The following ANKRD31 variants were observed in gnomAD, a reference collection of about 807,000 sequenced individuals.
ANKRD31 encodes the protein ankyrin repeat domain-containing protein 31.
In ANKRD31, 147 loss-of-function variants were observed where a neutral mutation model predicts 186.0. That is an observed-to-expected ratio of 0.79 (90% CI 0.69 to 0.91). ANKRD31 has a LOEUF of 0.91. Ranked by LOEUF, ANKRD31 falls within the 40% of genes least tolerant of loss-of-function variation. The pLI, the probability that ANKRD31 is intolerant of heterozygous loss-of-function variation, is 0.00. For synonymous variants in ANKRD31, 673 were observed against 736.4 expected (o/e 0.91, Z 1.39); for missense variants, 1,986 against 2,148.8 (o/e 0.92, Z 1.50).
At position 75,144,039 on chromosome 5, in the gene ANKRD31, C is replaced by T. The variant is rs1438859554; in HGVS notation, c.3557G>A (p.Arg1186Lys). 2.5e-6 allele frequency: 1 copy of T among 397,262 alleles called. No homozygotes were observed. Among genetic ancestry groups the T allele is most frequent in the Non-Finnish European group, 4.4e-6 (1 of 225,296 alleles). The allele number at this position is 397,262 out of a possible 1,614,324, so 24.6% of individuals were successfully genotyped here. The change falls in exon 15 of 26, where the codon AGA becomes AAA. Residue 1186 changes from arginine to lysine, a missense_variant. Transcript: ENST00000506364. ...SQEHKTVQNF[R>K]KRQSFLKTTC... is the part of the protein sequence containing the mutation. ...AGTTTTTAAGAAACTTTGTCTTTTT[C>T]TGAAATTCTGAACTGTTTTGTGTTC... is the stretch of plus-strand genomic sequence containing the variant.
intron 17 of ANKRD31, among the ~76,000 whole-genome samples, chr5:75,132,985 C>T (rs1437158218): frequency 2.0e-5 from 3 of 152,184 alleles, no homozygotes; most frequent in African/African-American, 7.2e-5. Context: ...CACCATCAGG[C>T]CTGCCTTACA....
At position 75,105,053 on chromosome 5, in the gene ANKRD31, C is replaced by T. The variant is rs1320187829; in HGVS notation, c.4506G>A (p.Lys1502=). The T allele has an allele frequency of 1.3e-6, 2 of 1,536,740 alleles. No homozygotes were observed. The highest frequency in any genetic ancestry group is 1.7e-6 in the Non-Finnish European group (2 of 1,146,826). Reference sequence around the variant, plus strand: ...TAGAGATTTCTGATCTGGGTGGGAGCTTCCTTAAACTAAGACAAGGCAATG... The same window carrying T: ...TAGAGATTTCTGATCTGGGTGGGAGTTTCCTTAAACTAAGACAAGGCAATG... ...VTSLPCLSLR[K]LPPRSEISSE... The change falls in exon 22 of 26, where the codon AAG becomes AAA. Residue 1502 remains lysine, a synonymous_variant. Coordinates refer to ENST00000506364, the MANE Select transcript of ANKRD31 (RefSeq NM_001372053.1).
At chr5:75,231,465 C>A (rs1757946485) in intron 1 of ANKRD31, among the ~76,000 whole-genome samples, 1 of 152,040 alleles carries the variant, frequency 6.6e-6, no homozygotes, top group Non-Finnish European at 1.5e-5. Flanking sequence ...TCCTTGCCCC[C>A]AAGAAGCTCC....
chr5:75,194,729 TAAAC>T (rs1159321176), intron 7 of ANKRD31, among the ~76,000 whole-genome samples: 3 of 152,064 alleles, frequency 2.0e-5, no homozygotes, highest in Admixed American at 6.6e-5. Flanking sequence ...CATTGAAAGA[TAAAC>T]AAAACACATT....
chr5:75,104,474 T>C lies in ANKRD31; in HGVS notation c.5085A>G (p.Gln1695=), dbSNP rs1747166544. ...TATCACTGCCTAAGACAGCAATCCC[T>C]TGATGTGCCAGAGATTCTGATGCCC... is the stretch of plus-strand genomic sequence containing the variant. The part of the protein sequence containing the change: ...PTGASESLAH[Q]GIAVLGSDTV... Residue 1695 remains glutamine (Q), a synonymous_variant, in exon 22 of 26, where the codon CAA becomes CAG. Transcript: ENST00000506364. The C allele has an allele frequency of 1.3e-6, 2 of 1,537,254 alleles. No individual in the cohort carries two copies. Among genetic ancestry groups the C allele is most frequent in the Non-Finnish European group, 1.7e-6 (2 of 1,146,910 alleles).
At chr5:75,119,248 C>T (rs1170204710) in intron 17 of ANKRD31, among the ~76,000 whole-genome samples, 1 of 152,114 alleles carries the variant, frequency 6.6e-6, no homozygotes, top group African/African-American at 2.4e-5. Context: ...CTCTTGCCGT[C>T]CTCCCTCTCT....
chr5:75,234,431 G>A (rs970096891), intron 1 of ANKRD31, among the ~76,000 whole-genome samples: 2 of 152,222 alleles, frequency 1.3e-5, no homozygotes, highest in African/African-American at 4.8e-5. Flanking sequence ...AGGGAGCTGA[G>A]GCAGGAAGAT....
chr5:75,175,804 G>C (rs1157726100), intron 10 of ANKRD31, among the ~76,000 whole-genome samples: 5 of 152,108 alleles, frequency 3.3e-5, no homozygotes, highest in African/African-American at 4.8e-5. Flanking sequence ...CTCCCAGCGT[G>C]AGCGATGCAG....
At chr5:75,206,027 A>G (rs1756152527) in intron 5 of ANKRD31, among the ~76,000 whole-genome samples, 1 of 151,514 alleles carries the variant, frequency 6.6e-6, no homozygotes, top group African/African-American at 2.4e-5. Flanking sequence ...TGCTACTCCC[A>G]TAGGTAATTC....
intron 6 of ANKRD31, among the ~76,000 whole-genome samples, chr5:75,197,559 ATATT>A (rs1172798195): frequency 2.0e-5 from 3 of 152,172 alleles, no homozygotes; most frequent in African/African-American, 7.2e-5. Flanking sequence ...TTAAGAAAAC[ATATT>A]TATTTGTTAG....
chr5:75,180,571 G>A (rs7341121), intron 10 of ANKRD31, among the ~76,000 whole-genome samples: 77,172 of 151,862 alleles, frequency 0.51, 22,658 homozygotes, highest in African/African-American at 0.82. Context: ...GCCCTCAGAA[G>A]TAATGCCGCA....
intron 25 of ANKRD31, among the ~76,000 whole-genome samples, chr5:75,073,838 A>AT: frequency 6.6e-6 from 1 of 152,298 alleles, no homozygotes; most frequent in African/African-American, 2.4e-5. Context: ...GAATAGGGCC[A>AT]TTTTAGGCCC....
intron 1 of ANKRD31, 128 bp from the exon 2 acceptor site, chr5:75,230,763 A>T: frequency 1.7e-6 from 1 of 581,982 alleles, no homozygotes; most frequent in Non-Finnish European, 2.9e-6. Context: ...TAATGTTTCT[A>T]TTTCAAAGTG....
intron 22 of ANKRD31, 111 bp from the exon 23 acceptor site, chr5:75,091,512 G>A: frequency 1.1e-6 from 1 of 927,604 alleles, no homozygotes; most frequent in East Asian, 2.6e-5. Flanking sequence ...AACACCTGAT[G>A]TATTTTTGTA....
chr5:75,131,768 C>T (rs1749858155), intron 17 of ANKRD31, among the ~76,000 whole-genome samples: 1 of 151,378 alleles, frequency 6.6e-6, no homozygotes, highest in African/African-American at 2.4e-5. Context: ...CCATTAGGGG[C>T]CGACTGACAC....
chr5:75,098,064 G>A lies in ANKRD31; in HGVS notation c.5331+6164C>T, dbSNP rs575967567. On this transcript the variant is annotated intron_variant, in intron 22 of 25. Transcript: ENST00000506364. ...TTTTGAGACGCAGTCTCACTGTGTCGCCCAGGCTGGAGTGCAGTGGCGCAA... is the reference window on the plus strand; with the variant it reads ...TTTTGAGACGCAGTCTCACTGTGTCACCCAGGCTGGAGTGCAGTGGCGCAA... Among the ~76,000 whole-genome samples the A allele has an allele frequency of 1.6e-3, 246 of 151,354 alleles. 1 individual carries two copies. Among genetic ancestry groups the A allele is most frequent in the African/African-American group, 5.3e-3 (220 of 41,202 alleles).
rs1749759973 is a variant in ANKRD31 at position 75,131,053 on chromosome 5, T to A, written c.3876+6803A>T. 2.0e-5 allele frequency among the ~76,000 whole-genome samples: 3 copies of A among 152,084 alleles called. No homozygotes were observed. In the South Asian group the frequency reaches 6.2e-4, roughly 32 times the overall value. On this transcript the variant is annotated intron_variant, in intron 17 of 25. Coordinates refer to ENST00000506364, the MANE Select transcript of ANKRD31 (RefSeq NM_001372053.1). ...CCAGCCTCCTATCAAGCCCAGCAGG[T>A]ACTGGCTGGCTGTGCCAAGTGCAGG...
intron 5 of ANKRD31, among the ~76,000 whole-genome samples, chr5:75,201,194 G>A (rs538494892): frequency 9.9e-5 from 15 of 151,884 alleles, no homozygotes; most frequent in East Asian, 1.9e-4. Context: ...TTTTTCCCTC[G>A]CTTCATCTTT....
intron 17 of ANKRD31, among the ~76,000 whole-genome samples, chr5:75,122,519 G>A (rs1490752276): frequency 6.6e-6 from 1 of 151,876 alleles, no homozygotes; most frequent in Non-Finnish European, 1.5e-5. Context: ...GAAGATAGAT[G>A]CAGAAACCCT....
Sources: allele counts gnomAD v4.1 joint callset (sites outside exome capture counted in the v4.1 genomes callset), GRCh38; gene constraint gnomAD v4.1.1; transcripts MANE v1.5; gene names NCBI Gene and HGNC (gene_info 2026-07-23, HGNC 2026-07-21).